PTPRG: variants seen among roughly 807,000 people sequenced by gnomAD.
PTPRG encodes the protein protein tyrosine phosphatase receptor type G, also known as receptor-type tyrosine-protein phosphatase gamma.
Under a neutral mutation model 165.3 loss-of-function variants are expected in PTPRG, and 102 were observed. That is an observed-to-expected ratio of 0.62 (90% CI 0.53 to 0.73). The LOEUF is 0.73. Among genes scored for constraint, PTPRG ranks in the 30% least tolerant of loss-of-function variants. The probability of loss-of-function intolerance (pLI) is 0.00; values close to 1 mark genes in which losing one functional copy is unlikely to be tolerated. For missense variants in PTPRG, 1,866 were observed against 1,861.4 expected, an observed-to-expected ratio of 1.00 and a Z score of -0.05; for synonymous variants, 675 against 669.5, an observed-to-expected ratio of 1.01 and a Z score of -0.13.
rs111600615 is a variant in PTPRG, at chr3:61,821,681, T to A, written c.190+72699T>A. Reference sequence around the variant, plus strand: ...AAAAGAAGAGGGGAAATATGAAAGTTAAAGAGATATAAACAGTAGAGGGTA... The same window carrying A: ...AAAAGAAGAGGGGAAATATGAAAGTAAAAGAGATATAAACAGTAGAGGGTA... On this transcript the variant is annotated intron_variant, in intron 2 of 29. Coordinates refer to ENST00000474889, the MANE Select transcript of PTPRG (RefSeq NM_002841.4). Among the ~76,000 whole-genome samples, 354 of 152,210 alleles carry A rather than the reference T, an allele frequency of 2.3e-3. 2 individuals are homozygous for A. Among genetic ancestry groups the A allele is most frequent in the African/African-American group, 8.1e-3 (338 of 41,530 alleles).
intron 5 of PTPRG, among the ~76,000 whole-genome samples, chr3:62,088,169 G>C (rs114708937): frequency 2.6e-5 from 4 of 152,210 alleles, no homozygotes; most frequent in South Asian, 2.1e-4. Flanking sequence ...AGGTGTGTCA[G>C]GGTAGAGGCA....
intron 1 of PTPRG, among the ~76,000 whole-genome samples, chr3:61,696,036 T>C (rs924491539): frequency 5.3e-5 from 8 of 152,290 alleles, no homozygotes; most frequent in African/African-American, 1.9e-4. Context: ...GTTGAGCTGA[T>C]TGGGATGTAA....
At chr3:61,979,888 C>G (rs2040598886) in intron 2 of PTPRG, among the ~76,000 whole-genome samples, 1 of 152,114 alleles carries the variant, frequency 6.6e-6, no homozygotes, top group Non-Finnish European at 1.5e-5. Context: ...ACACCAGGCC[C>G]CTGTGCTGTT....
At chr3:61,819,034 G>C (rs2035878524) in intron 2 of PTPRG, among the ~76,000 whole-genome samples, 2 of 152,022 alleles carry the variant, frequency 1.3e-5, no homozygotes, top group African/African-American at 4.8e-5. Context: ...AAAATCCTTT[G>C]AGCATCCCAG....
chr3:61,755,095 C>A (rs1358004651), intron 2 of PTPRG, among the ~76,000 whole-genome samples: 1 of 152,156 alleles, frequency 6.6e-6, no homozygotes, highest in Non-Finnish European at 1.5e-5. Context: ...GCAACCTCCG[C>A]CTCCTGGGTT....
At chr3:61,865,113 G>A (rs1442575466) in intron 2 of PTPRG, among the ~76,000 whole-genome samples, 1 of 152,164 alleles carries the variant, frequency 6.6e-6, no homozygotes, top group Non-Finnish European at 1.5e-5. Context: ...TGGGGATGAT[G>A]GTATTTTTGT....
intron 2 of PTPRG, among the ~76,000 whole-genome samples, chr3:61,866,681 C>T (rs1352370471): frequency 7.4e-6 from 1 of 134,406 alleles, no homozygotes; most frequent in Non-Finnish European, 1.6e-5. Context: ...CTCACTGCAA[C>T]TTTGCCTCCC....
intron 4 of PTPRG, among the ~76,000 whole-genome samples, chr3:62,024,719 C>T (rs1174595900): frequency 6.6e-6 from 1 of 152,150 alleles, no homozygotes; most frequent in Non-Finnish European, 1.5e-5. Flanking sequence ...GGTTTTCCTT[C>T]TGCAACCCCT....
intron 1 of PTPRG, among the ~76,000 whole-genome samples, chr3:61,739,525 G>C (rs2032898320): frequency 6.6e-6 from 1 of 152,180 alleles, no homozygotes. Flanking sequence ...TCAATTTTGT[G>C]AAGTATAGTT....
At chr3:61,853,241 C>T (rs1453551355) in intron 2 of PTPRG, among the ~76,000 whole-genome samples, 1 of 152,138 alleles carries the variant, frequency 6.6e-6, no homozygotes, top group Non-Finnish European at 1.5e-5. Context: ...TTCAGAATGG[C>T]CCCCATAATC....
chr3:62,182,656 ATTCT>A (rs1237670371), intron 8 of PTPRG, among the ~76,000 whole-genome samples: 2 of 149,950 alleles, frequency 1.3e-5, no homozygotes, highest in Non-Finnish European at 3.0e-5. Flanking sequence ...ACAGTAACTA[ATTCT>A]TTGTTTGTTT....
chr3:62,291,146 A>T (rs1444569643), intron 28 of PTPRG, among the ~76,000 whole-genome samples: 1 of 152,166 alleles, frequency 6.6e-6, no homozygotes, highest in East Asian at 1.9e-4. Flanking sequence ...CTGGTAATCA[A>T]GGAAATGTAA....
chr3:62,072,103 A>C (rs1701227316), intron 4 of PTPRG, among the ~76,000 whole-genome samples: 1 of 152,228 alleles, frequency 6.6e-6, no homozygotes, highest in South Asian at 2.1e-4. Flanking sequence ...GAAGTTGCAC[A>C]AGGCAGGAGG....
intron 1 of PTPRG, among the ~76,000 whole-genome samples, chr3:61,587,955 G>A (rs1236803055): frequency 1.1e-5 from 1 of 90,348 alleles, no homozygotes; most frequent in East Asian, 2.7e-4. Flanking sequence ...CACTGCAGCT[G>A]TCCCATTTTT....
intron 2 of PTPRG, among the ~76,000 whole-genome samples, chr3:61,820,616 T>G (rs1411774476): frequency 1.4e-5 from 2 of 148,062 alleles, no homozygotes; most frequent in Non-Finnish European, 3.0e-5. Context: ...TTTTTTTTTT[T>G]TTTTTTTTTT....
chr3:62,264,366 C>T (rs577094391), intron 17 of PTPRG, among the ~76,000 whole-genome samples: 3 of 152,064 alleles, frequency 2.0e-5, no homozygotes, highest in South Asian at 2.1e-4. Flanking sequence ...AGTATATTCA[C>T]GGAGTTGTAC....
chr3:61,823,682 T>C (rs1559632447), intron 2 of PTPRG, among the ~76,000 whole-genome samples: 1 of 152,140 alleles, frequency 6.6e-6, no homozygotes, highest in Admixed American at 6.5e-5. Flanking sequence ...CTTAATAAGG[T>C]GAAAGGAAAA....
At chr3:62,101,319 A>G (rs1032173262) in intron 5 of PTPRG, among the ~76,000 whole-genome samples, 7 of 152,242 alleles carry the variant, frequency 4.6e-5, no homozygotes, top group African/African-American at 1.4e-4. Flanking sequence ...AAACTTTAAC[A>G]TAGAACTTCA....
chr3:62,270,924 C>A (rs1702039209), intron 20 of PTPRG, among the ~76,000 whole-genome samples: 1 of 152,040 alleles, frequency 6.6e-6, no homozygotes, highest in Non-Finnish European at 1.5e-5. Context: ...AAAATCTTCC[C>A]ATCACTTCCT....
Sources: allele counts gnomAD v4.1 joint callset (sites outside exome capture counted in the v4.1 genomes callset), GRCh38; gene constraint gnomAD v4.1.1; transcripts MANE v1.5; gene names NCBI Gene and HGNC (gene_info 2026-07-23, HGNC 2026-07-21).